INTS9: variants seen among roughly 807,000 people sequenced by gnomAD.
INTS9 encodes the protein integrator complex subunit 9.
Under a neutral mutation model 79.7 loss-of-function variants are expected in INTS9, and 55 were observed. The ratio of observed to expected loss-of-function variants is 0.69; its 90% CI spans 0.56 to 0.86. The LOEUF is 0.86. INTS9 is among the 40% of genes least tolerant of loss of function. The pLI is 0.00. For synonymous variants in INTS9, 319 were observed against 325.2 expected (o/e 0.98, Z 0.20); for missense variants, 721 against 831.5 (o/e 0.87, Z 1.64).
At chr8:28,785,909 C>T (rs1803560649) in intron 11 of INTS9, among the ~76,000 whole-genome samples, 1 of 152,180 alleles carries the variant, frequency 6.6e-6, no homozygotes, top group African/African-American at 2.4e-5. Flanking sequence ...ACTCTGTACA[C>T]CTTGATGGAT....
At chr8:28,873,064 TTA>T (rs1253022978) in intron 1 of INTS9, among the ~76,000 whole-genome samples, 30 of 152,312 alleles carry the variant, frequency 2.0e-4, no homozygotes, top group African/African-American at 6.0e-4. Flanking sequence ...TCTGTAACAG[TTA>T]TTTTTATTTT....
chr8:28,770,842 A>G (rs1339063585), intron 15 of INTS9, 140 bp downstream of exon 15: 1 of 680,702 alleles, frequency 1.5e-6, no homozygotes, highest in Non-Finnish European at 2.5e-6. Flanking sequence ...TGGGCACAGC[A>G]GCCTCTCTGA....
intron 13 of INTS9, 126 bp from the exon 14 acceptor site, chr8:28,776,052 T>C: frequency 1.4e-6 from 1 of 713,360 alleles, no homozygotes. Context: ...CAAGGTGAAC[T>C]TTCATCCTCT....
chr8:28,779,718 T>A (rs1304063739), intron 12 of INTS9, among the ~76,000 whole-genome samples: 2 of 152,156 alleles, frequency 1.3e-5, no homozygotes, highest in African/African-American at 2.4e-5. Context: ...CTTTTACCCA[T>A]GGTGTGTGTT....
intron 6 of INTS9, among the ~76,000 whole-genome samples, chr8:28,816,857 A>C (rs241151): frequency 3.9e-5 from 6 of 151,996 alleles, no homozygotes; most frequent in Non-Finnish European, 8.8e-5. Flanking sequence ...TAACTGGTGT[A>C]AGGTGGTATC....
At position 28,769,902 on chromosome 8, in the gene INTS9, T is replaced by C. The variant is rs761399135; in HGVS notation, c.1787A>G (p.Gln596Arg). Residue 596 changes from glutamine (Q) to arginine (R), a missense_variant, in exon 16 of 17, where the codon CAG becomes CGG. Coordinates refer to ENST00000521022, the MANE Select transcript of INTS9 (RefSeq NM_018250.4). The stretch of plus-strand genomic sequence containing the variant: ...AAACCAGCTCACCTTCTCCAGGGTC[T>C]GCACGAACTGCTCCACAGGGATGGA... ...SGSIPVEQFVQTLEKHGFSDI... is the reference protein window; with the variant it reads ...SGSIPVEQFVRTLEKHGFSDI... 16 of 1,614,186 alleles carry C rather than the reference T, an allele frequency of 9.9e-6. No homozygotes were observed. The South Asian group carries it at 1.5e-4, about 16-fold the overall frequency.
chr8:28,852,086 G>A (rs917276927), intron 2 of INTS9, among the ~76,000 whole-genome samples: 8 of 151,156 alleles, frequency 5.3e-5, no homozygotes, highest in Admixed American at 2.0e-4. Flanking sequence ...GGCTATGGTG[G>A]TACACGCTTG....
chr8:28,885,636 G>A lies in INTS9; in HGVS notation c.9+4238C>T, dbSNP rs967018343. 2.0e-5 allele frequency among the ~76,000 whole-genome samples: 3 copies of A among 152,214 alleles called. 1 individual carries two copies. The highest frequency in any genetic ancestry group is 4.1e-4 in the South Asian group (2 of 4,828). ...TGAACTGCTTTGGATTATTTTATTCGCTTGACTCTTCATCTATTTAAATGA... is the reference window on the plus strand; with the variant it reads ...TGAACTGCTTTGGATTATTTTATTCACTTGACTCTTCATCTATTTAAATGA... On this transcript the variant is annotated intron_variant, in intron 1 of 16. Coordinates refer to ENST00000521022, the MANE Select transcript of INTS9 (RefSeq NM_018250.4).
At position 28,812,594 on chromosome 8, in the gene INTS9, G is replaced by A. The variant is rs1047059795; in HGVS notation, c.610-133C>T. 3 of 986,264 alleles carry A rather than the reference G, an allele frequency of 3.0e-6. No homozygotes were observed. The African/African-American group carries it at 4.9e-5, about 16-fold the overall frequency. 61.1% of individuals were successfully genotyped at this position (986,264 alleles called of 1,614,324 possible). A position where few individuals can be genotyped will look rare whatever the true frequency, so the allele number is the denominator to read the frequency against. On this transcript the variant is annotated intron_variant, in intron 7 of 16. Coordinates refer to ENST00000521022, the MANE Select transcript of INTS9 (RefSeq NM_018250.4). ...TTATTTTAAAGTAAACCAGAGACTG[G>A]GTGCAATGGCTCACGCCTGTAATCC...
intron 8 of INTS9, among the ~76,000 whole-genome samples, chr8:28,797,475 C>G (rs963304805): frequency 1.3e-5 from 2 of 152,154 alleles, no homozygotes; most frequent in Admixed American, 6.5e-5. Context: ...CCCTAGATGA[C>G]TTCAGTAAGT....
chr8:28,888,429 C>G (rs1810283477), intron 1 of INTS9, among the ~76,000 whole-genome samples: 2 of 107,166 alleles, frequency 1.9e-5, no homozygotes, highest in Admixed American at 1.1e-4. Flanking sequence ...GCCTGTATTC[C>G]CAGCTATATG....
In INTS9 at chr8:28,769,974, C is replaced by G. The variant is rs1338602845; in HGVS notation, c.1715G>C (p.Ser572Thr). The G allele has an allele frequency of 6.2e-7, 1 of 1,614,098 alleles. No individual in the cohort carries two copies. The highest frequency in any genetic ancestry group is 8.5e-7 in the Non-Finnish European group (1 of 1,180,044). Reference sequence around the variant, plus strand: ...GACTTTGCAGTCTGGTACGTCATCGCTCACCCGCTTTCTCTTCTTCCCGCT... The same window carrying G: ...GACTTTGCAGTCTGGTACGTCATCGGTCACCCGCTTTCTCTTCTTCCCGCT... ...PTSGKKRKRV[S>T]DDVPDCKVLK... The change falls in exon 16 of 17, where the codon AGC becomes ACC. Residue 572 changes from serine to threonine, a missense_variant. This residue lies in a region of INTS9 where 281 missense variants were observed against 300.8 expected (regional missense o/e 0.93). Transcript: ENST00000521022.
chr8:28,768,116 G>A lies in INTS9; in HGVS notation c.*30C>T, dbSNP rs752980193. On this transcript the variant is annotated 3_prime_UTR_variant, in exon 17 of 17. Transcript: ENST00000521022. ...GAGGGCAGCCAGTGAGGGACTGCAG[G>A]ATTTCAGGGAAGTAGCTCAGATGGC... 6.2e-7 allele frequency: 1 copy of A among 1,611,314 alleles called. No homozygotes were observed. The highest frequency in any genetic ancestry group is 1.1e-5 in the South Asian group (1 of 91,016).
chr8:28,789,721 G>A (rs1803817111), intron 10 of INTS9, among the ~76,000 whole-genome samples: 1 of 152,066 alleles, frequency 6.6e-6, no homozygotes, highest in Non-Finnish European at 1.5e-5. Flanking sequence ...AACCTTGTCT[G>A]TACAAAAATT....
intron 10 of INTS9, among the ~76,000 whole-genome samples, chr8:28,789,536 ACAGACCCT>A (rs1803807605): frequency 1.4e-5 from 2 of 147,714 alleles, no homozygotes; most frequent in African/African-American, 4.9e-5. Flanking sequence ...TGGGAATGTG[ACAGACCCT>A]CCTGCTCCCT....
chr8:28,833,649 C>CAAAAA (rs1563283283), intron 6 of INTS9, among the ~76,000 whole-genome samples: 10 of 144,032 alleles, frequency 6.9e-5, no homozygotes, highest in African/African-American at 2.6e-4. Context: ...AAAACAAAAA[C>CAAAAA]CAAAAAAAAA....
At chr8:28,819,514 G>C (rs1805699812) in intron 6 of INTS9, among the ~76,000 whole-genome samples, 1 of 152,224 alleles carries the variant, frequency 6.6e-6, no homozygotes, top group Non-Finnish European at 1.5e-5. Flanking sequence ...TGTTGTCTGA[G>C]AGACAGTTTG....
At chr8:28,796,209 T>C (rs1370200288) in intron 9 of INTS9, among the ~76,000 whole-genome samples, 3 of 152,040 alleles carry the variant, frequency 2.0e-5, no homozygotes, top group African/African-American at 4.8e-5. Context: ...ACTCAGGAGA[T>C]TGAGTCAGGA....
At chr8:28,819,126 G>A (rs992194847) in intron 6 of INTS9, among the ~76,000 whole-genome samples, 25 of 152,042 alleles carry the variant, frequency 1.6e-4, no homozygotes, top group Non-Finnish European at 3.4e-4. Flanking sequence ...CTAATTTTTG[G>A]AAGGGTTTTT....
Sources: allele counts gnomAD v4.1 joint callset (sites outside exome capture counted in the v4.1 genomes callset), GRCh38; gene constraint gnomAD v4.1.1; regional missense constraint gnomAD v4.1.1; transcripts MANE v1.5; gene names NCBI Gene and HGNC (gene_info 2026-07-23, HGNC 2026-07-21).